Variants in PPP1R16B observed in about 807,000 individuals in gnomAD.
The protein encoded by PPP1R16B is protein phosphatase 1 regulatory subunit 16B.
Under a neutral mutation model 61.7 loss-of-function variants are expected in PPP1R16B, and 14 were observed. That is an observed-to-expected ratio of 0.23 (90% CI 0.15 to 0.35). The LOEUF is 0.35. Ranked by LOEUF, PPP1R16B falls within the 10% of genes least tolerant of loss-of-function variation. The pLI, the probability that PPP1R16B is intolerant of heterozygous loss-of-function variation, is 1.00. For missense variants in PPP1R16B, 547 were observed against 752.5 expected (o/e 0.73, Z 3.19); for synonymous variants, 266 against 305.3 (o/e 0.87, Z 1.34).
intron 2 of PPP1R16B, among the ~76,000 whole-genome samples, chr20:38,841,064 G>A (rs760153686): frequency 4.6e-5 from 7 of 151,832 alleles, no homozygotes; most frequent in East Asian, 1.9e-4. Flanking sequence ...ATGTTATCTC[G>A]GTTAATCTTC....
At chr20:38,911,532 TC>T (rs1435418244) in intron 10 of PPP1R16B, among the ~76,000 whole-genome samples, 1 of 149,594 alleles carries the variant, frequency 6.7e-6, no homozygotes, top group African/African-American at 2.5e-5. Context: ...ATATCCATGC[TC>T]CTTTTTTTTT....
Position 38,889,583 on chromosome 20 carries a change from C to T in PPP1R16B, c.251-12C>T. The stretch of plus-strand genomic sequence containing the variant: ...GCAACGGGAAGCTCACTCCTGTACC[C>T]TCCTATTGCAGTACGCTACTTCCTG... On this transcript the variant is annotated splice_polypyrimidine_tract_variant and intron_variant, in intron 2 of 10. Transcript: ENST00000299824. The T allele has an allele frequency of 1.3e-6, 2 of 1,565,162 alleles. No homozygotes were observed. The highest frequency in any genetic ancestry group is 1.8e-6 in the Non-Finnish European group (2 of 1,135,348).
chr20:38,902,018 C>T lies in PPP1R16B; in HGVS notation c.572-650C>T, dbSNP rs1049710996. Among the ~76,000 whole-genome samples the T allele has an allele frequency of 6.5e-4, 98 of 149,900 alleles. 1 individual carries two copies. Among genetic ancestry groups the T allele is most frequent in the African/African-American group, 3.9e-4 (16 of 40,550 alleles). On this transcript the variant is annotated intron_variant, in intron 5 of 10. Coordinates refer to ENST00000299824, the MANE Select transcript of PPP1R16B (RefSeq NM_015568.4). The stretch of plus-strand genomic sequence containing the variant: ...TTTGTAGATCTCTCCTGAATTCGAT[C>T]GAACAGTGCTTGGTCTAATGGATCT...
chr20:38,854,324 C>T (rs781080149), intron 2 of PPP1R16B, among the ~76,000 whole-genome samples: 3 of 152,124 alleles, frequency 2.0e-5, no homozygotes, highest in Admixed American at 1.3e-4. Context: ...ATTTTATTAG[C>T]CTATTAGCTG....
intron 1 of PPP1R16B, among the ~76,000 whole-genome samples, chr20:38,825,989 C>T (rs2084803281): frequency 6.6e-6 from 1 of 152,202 alleles, no homozygotes; most frequent in Non-Finnish European, 1.5e-5. Context: ...CAAGTAGCCA[C>T]CACCAACCTA....
At position 38,918,704 on chromosome 20, in the gene PPP1R16B, G is replaced by A. The variant is rs1013468966; in HGVS notation, c.*38G>A. 1.3e-6 allele frequency: 2 copies of A among 1,486,814 alleles called. No homozygotes were observed. The highest frequency in any genetic ancestry group is 1.8e-6 in the Non-Finnish European group (2 of 1,123,492). The allele number at this position is 1,486,814 out of a possible 1,614,324, so 92.1% of individuals were successfully genotyped here. A position where few individuals can be genotyped will look rare whatever the true frequency, so the allele number is the denominator to read the frequency against. On this transcript the variant is annotated 3_prime_UTR_variant, in exon 11 of 11. Coordinates refer to ENST00000299824, the MANE Select transcript of PPP1R16B (RefSeq NM_015568.4). The surrounding 1 kb of genome is among the most constrained non-coding windows in gnomAD (Gnocchi z 5.3). ...GGAGGAGGGAGATGCCTGGGGAGGG[G>A]CTCCTGGAATCCAGGCCAGCCCAAC...
chr20:38,887,199 A>G (rs2085252330), intron 2 of PPP1R16B, among the ~76,000 whole-genome samples: 1 of 152,228 alleles, frequency 6.6e-6, no homozygotes, highest in Non-Finnish European at 1.5e-5. Flanking sequence ...AGAGGCCACA[A>G]GAAGTGATGT....
chr20:38,897,770 T>A (rs1266480504), intron 4 of PPP1R16B, among the ~76,000 whole-genome samples: 1 of 152,254 alleles, frequency 6.6e-6, no homozygotes, highest in African/African-American at 2.4e-5. Context: ...TTTTCTGCTT[T>A]TTCTTTTTTG....
At chr20:38,846,437 T>G (rs903160661) in intron 2 of PPP1R16B, among the ~76,000 whole-genome samples, 2 of 152,130 alleles carry the variant, frequency 1.3e-5, no homozygotes, top group Non-Finnish European at 2.9e-5. Flanking sequence ...ACCAGAATCA[T>G]CTACTCAGAA....
chr20:38,808,682 G>A (rs1432108178), intron 1 of PPP1R16B, among the ~76,000 whole-genome samples: 3 of 152,176 alleles, frequency 2.0e-5, no homozygotes, highest in Non-Finnish European at 4.4e-5. Flanking sequence ...AGGTATCACA[G>A]TAATGCCTAC....
intron 1 of PPP1R16B, among the ~76,000 whole-genome samples, chr20:38,833,597 T>G (rs1476117442): frequency 6.6e-6 from 1 of 152,214 alleles, no homozygotes; most frequent in African/African-American, 2.4e-5. Flanking sequence ...AAAAGTTTAA[T>G]TAGTTGAAAG....
chr20:38,872,464 G>C (rs1345659578), intron 2 of PPP1R16B, among the ~76,000 whole-genome samples: 1 of 152,192 alleles, frequency 6.6e-6, no homozygotes, highest in Non-Finnish European at 1.5e-5. Context: ...AGACTGGTTA[G>C]AGAGGAAGCT....
intron 10 of PPP1R16B, among the ~76,000 whole-genome samples, chr20:38,914,890 A>G (rs1601318194): frequency 2.6e-5 from 4 of 151,680 alleles, no homozygotes; most frequent in Admixed American, 2.0e-4. Flanking sequence ...CTGGTCTCCA[A>G]CTCTTAGGCT....
chr20:38,914,269 T>C (rs184593634), intron 10 of PPP1R16B, among the ~76,000 whole-genome samples: 1 of 152,224 alleles, frequency 6.6e-6, no homozygotes, highest in East Asian at 1.9e-4. Flanking sequence ...GAATGAGAAT[T>C]TGGGGGACTG....
rs907887881 is a variant in PPP1R16B at position 38,858,218 on chromosome 20, T to C, written c.250+22043T>C. On this transcript the variant is annotated intron_variant, in intron 2 of 10. Transcript: ENST00000299824. ...GCACTGGGGATAGGGCTTCGATGTA[T>C]GAATTTGCGGGGAACACAGTGTAGT... 9.2e-5 allele frequency among the ~76,000 whole-genome samples: 14 copies of C among 152,262 alleles called. 1 individual carries two copies. In the South Asian group the frequency reaches 2.1e-3, roughly 23 times the overall value.
At chr20:38,890,679 T>A (rs1195894955) in intron 3 of PPP1R16B, among the ~76,000 whole-genome samples, 1 of 152,246 alleles carries the variant, frequency 6.6e-6, no homozygotes, top group Admixed American at 6.5e-5. Context: ...CTTATGAGTG[T>A]GTCCTAGCAT....
chr20:38,807,139 C>T (rs1334779235), intron 1 of PPP1R16B, among the ~76,000 whole-genome samples: 2 of 152,192 alleles, frequency 1.3e-5, no homozygotes, highest in Non-Finnish European at 2.9e-5. Context: ...CGGCCTCAGT[C>T]CGCAGGGGTA....
chr20:38,815,415 A>G (rs2084729300), intron 1 of PPP1R16B, among the ~76,000 whole-genome samples: 1 of 152,236 alleles, frequency 6.6e-6, no homozygotes, highest in African/African-American at 2.4e-5. Context: ...TAGTTTCTTG[A>G]TGATGGCTAA....
intron 2 of PPP1R16B, among the ~76,000 whole-genome samples, chr20:38,849,695 A>C (rs56315423): frequency 0.68 from 99,115 of 146,554 alleles, 33,855 homozygotes; most frequent in African/African-American, 0.76. Flanking sequence ...CAAAAAAAAA[A>C]CAAAAAACTG....
Sources: allele counts gnomAD v4.1 joint callset (sites outside exome capture counted in the v4.1 genomes callset), GRCh38; gene constraint gnomAD v4.1.1; non-coding constraint Gnocchi (gnomAD v3.1); transcripts MANE v1.5; gene names NCBI Gene and HGNC (gene_info 2026-07-23, HGNC 2026-07-21).